Variants in CCDC171 observed in about 807,000 individuals in gnomAD.
CCDC171 encodes the protein coiled-coil domain-containing protein 171.
CCDC171 carries 177 observed loss-of-function variants against 168.2 expected under a neutral mutation model. The ratio of observed to expected loss-of-function variants is 1.05; its 90% CI spans 0.93 to 1.19. The LOEUF (loss-of-function observed/expected upper bound fraction) is 1.19, where lower values mean the gene tolerates loss of function less well. CCDC171 is among the 50% of genes most tolerant of loss of function. The pLI, the probability that CCDC171 is intolerant of heterozygous loss-of-function variation, is 0.00. For synonymous variants in CCDC171, 687 were observed against 540.8 expected (o/e 1.27, Z -3.75); for missense variants, 1,991 against 1,539.0 (o/e 1.29, Z -4.91).
chr9:15,809,816 G>C (rs186693090), intron 21 of CCDC171, among the ~76,000 whole-genome samples: 1 of 152,190 alleles, frequency 6.6e-6, no homozygotes, highest in Non-Finnish European at 1.5e-5. Context: ...ACCCGAACGG[G>C]TTGCCACTGC....
At chr9:15,641,028 A>G (rs2046565370) in intron 7 of CCDC171, among the ~76,000 whole-genome samples, 1 of 152,114 alleles carries the variant, frequency 6.6e-6, no homozygotes, top group South Asian at 2.1e-4. Context: ...ACTTATCATT[A>G]AAATAAGCAT....
Position 15,713,700 on chromosome 9 carries a change from A to G in CCDC171, c.1319-8069A>G, listed in dbSNP as rs139849346. Among the ~76,000 whole-genome samples the G allele has an allele frequency of 9.4e-3, 1,438 of 152,224 alleles. 12 individuals are homozygous for G. Among genetic ancestry groups the G allele is most frequent in the Non-Finnish European group, 0.016 (1,060 of 68,014 alleles). On this transcript the variant is annotated intron_variant, in intron 11 of 25. Transcript: ENST00000380701. ...CTTCTAACTCCTAAAAGTTTACACT[A>G]TGATCCACTCATAAGGACCTGTGAA...
At chr9:15,938,428 GA>G (rs963921767) in intron 25 of CCDC171, among the ~76,000 whole-genome samples, 6 of 151,134 alleles carry the variant, frequency 4.0e-5, no homozygotes, top group African/African-American at 1.2e-4. Flanking sequence ...AGTTTTCTAC[GA>G]AAAAAAATCC....
chr9:15,762,675 T>C (rs952434389), intron 18 of CCDC171, among the ~76,000 whole-genome samples: 13 of 152,332 alleles, frequency 8.5e-5, no homozygotes, highest in African/African-American at 3.1e-4. Flanking sequence ...ACAATTTACA[T>C]GCAATAAAAT....
intron 4 of CCDC171, among the ~76,000 whole-genome samples, chr9:15,589,365 A>T (rs79205448): frequency 0.018 from 2,768 of 152,276 alleles, 151 homozygotes; most frequent in Admixed American, 0.11. Context: ...CTTTCCAATG[A>T]CACCACTGAG....
At chr9:15,584,442 C>G (rs574446003) in intron 4 of CCDC171, among the ~76,000 whole-genome samples, 8 of 152,130 alleles carry the variant, frequency 5.3e-5, no homozygotes, top group Non-Finnish European at 1.0e-4. Context: ...TGTGTTAAGT[C>G]TGATGAAAGA....
intron 9 of CCDC171, among the ~76,000 whole-genome samples, chr9:15,669,611 A>T (rs1376570188): frequency 6.6e-6 from 1 of 152,108 alleles, no homozygotes; most frequent in Non-Finnish European, 1.5e-5. Context: ...AACCATCTGA[A>T]TTTTCAAATA....
At chr9:15,922,697 A>C (rs1825484015) in intron 25 of CCDC171, among the ~76,000 whole-genome samples, 2 of 151,716 alleles carry the variant, frequency 1.3e-5, no homozygotes, top group Admixed American at 1.3e-4. Flanking sequence ...CAGCGTGTGC[A>C]AAGATTCCTT....
At chr9:15,695,131 T>C in intron 10 of CCDC171, 104 bp from the exon 11 acceptor site, 1 of 717,902 alleles carries the variant, frequency 1.4e-6, no homozygotes, top group Admixed American at 2.3e-5. Context: ...TATATTTGAA[T>C]GGAATCATTA....
intron 21 of CCDC171, among the ~76,000 whole-genome samples, chr9:15,820,571 T>G (rs1181429646): frequency 8.5e-6 from 1 of 117,450 alleles, no homozygotes; most frequent in Non-Finnish European, 1.9e-5. Flanking sequence ...TCTATGCAAA[T>G]AAACTAGAAA....
chr9:15,633,159 A>G (rs1006436077), intron 7 of CCDC171, among the ~76,000 whole-genome samples: 3 of 152,244 alleles, frequency 2.0e-5, no homozygotes, highest in African/African-American at 7.2e-5. Context: ...AAGAAAAGCC[A>G]AAATTGACAA....
intron 24 of CCDC171, among the ~76,000 whole-genome samples, chr9:15,897,314 A>G (rs1821038352): frequency 6.6e-6 from 1 of 152,162 alleles, no homozygotes; most frequent in East Asian, 1.9e-4. Flanking sequence ...TGTGTGGATA[A>G]TAGATGATTT....
At chr9:16,072,779 G>A in the CCDC171 span, among the ~76,000 whole-genome samples, 1 of 152,052 alleles carries the variant, frequency 6.6e-6, no homozygotes, top group Non-Finnish European at 1.5e-5. Context: ...TGCAGCTCAG[G>A]CATAATTTTC....
chr9:15,578,529 C>G (rs2040857036), intron 3 of CCDC171, among the ~76,000 whole-genome samples: 1 of 150,748 alleles, frequency 6.6e-6, no homozygotes, highest in South Asian at 2.1e-4. Context: ...CTTGGCCTCT[C>G]AAAGTGCTGG....
chr9:15,674,947 A>G (rs202068372), intron 9 of CCDC171, among the ~76,000 whole-genome samples: 2 of 152,012 alleles, frequency 1.3e-5, no homozygotes, highest in African/African-American at 4.8e-5. Flanking sequence ...TCTGTCTAAT[A>G]TTGACAGTGG....
intron 1 of CCDC171, among the ~76,000 whole-genome samples, chr9:15,561,338 A>G (rs2039287420): frequency 6.6e-6 from 1 of 152,184 alleles, no homozygotes; most frequent in Non-Finnish European, 1.5e-5. Flanking sequence ...TGATCAATTG[A>G]ATGTTTTCAA....
chr9:15,570,856 T>A (rs1371180452), intron 2 of CCDC171, among the ~76,000 whole-genome samples: 1 of 152,236 alleles, frequency 6.6e-6, no homozygotes, highest in Admixed American at 6.5e-5. Flanking sequence ...TCTAATGTCT[T>A]CTGATCCAGA....
At chr9:15,569,841 ACAAAC>A (rs1449557190) in intron 2 of CCDC171, among the ~76,000 whole-genome samples, 2 of 147,336 alleles carry the variant, frequency 1.4e-5, no homozygotes, top group African/African-American at 2.6e-5. Context: ...CAAAAAACAA[ACAAAC>A]AAAAAAAAAA....
intron 25 of CCDC171, among the ~76,000 whole-genome samples, chr9:15,922,581 T>C (rs1564006240): frequency 1.3e-5 from 2 of 151,660 alleles, no homozygotes; most frequent in East Asian, 3.9e-4. Flanking sequence ...CCTTTGGATA[T>C]ATACCCAGTT....
Sources: allele counts gnomAD v4.1 joint callset (sites outside exome capture counted in the v4.1 genomes callset), GRCh38; gene constraint gnomAD v4.1.1; transcripts MANE v1.5; gene names NCBI Gene and HGNC (gene_info 2026-07-23, HGNC 2026-07-21).